DDOST: variants seen among roughly 807,000 people sequenced by gnomAD.
The protein encoded by DDOST is dolichyl-diphosphooligosaccharide--protein glycosyltransferase non-catalytic subunit.
In DDOST, 25 loss-of-function variants were observed where a neutral mutation model predicts 47.6. The ratio of observed to expected loss-of-function variants is 0.53; its 90% confidence interval spans 0.38 to 0.73. The LOEUF is 0.73. DDOST is among the 30% of genes least tolerant of loss of function. The probability of loss-of-function intolerance (pLI) is 0.00; values close to 1 mark genes in which losing one functional copy is unlikely to be tolerated. For missense variants in DDOST, 526 were observed against 573.9 expected, an observed-to-expected ratio of 0.92 and a Z score of 0.85; for synonymous variants, 275 against 236.0, an observed-to-expected ratio of 1.17 and a Z score of -1.51.
intron 2 of DDOST, among the ~76,000 whole-genome samples, chr1:20,657,722 A>C (rs2053390514): frequency 6.6e-6 from 1 of 152,220 alleles, no homozygotes; most frequent in African/African-American, 2.4e-5. Context: ...TCTTCAGCAG[A>C]AAACTAAAAG....
intron 6 of DDOST, 97 bp from the exon 7 acceptor site, chr1:20,654,468 C>T: frequency 6.9e-7 from 1 of 1,453,046 alleles, no homozygotes; most frequent in Non-Finnish European, 9.4e-7. Context: ...ACCAAAACGA[C>T]CCTGGCCCTA....
At chr1:20,657,507 G>A (rs541268463) in intron 2 of DDOST, among the ~76,000 whole-genome samples, 8 of 152,266 alleles carry the variant, frequency 5.3e-5, no homozygotes, top group South Asian at 2.1e-4. Context: ...AGGCCTCCAC[G>A]CCTTCTGATG....
chr1:20,654,816 C>T (rs2053349966), intron 5 of DDOST, 109 bp from the exon 6 acceptor site: 1 of 723,684 alleles, frequency 1.4e-6, no homozygotes, highest in Admixed American at 2.2e-5. Flanking sequence ...TTCTTAATTG[C>T]CAACCACTTA....
chr1:20,655,424 C>T lies in DDOST; in HGVS notation c.551+16G>A. On this transcript the variant is annotated intron_variant, in intron 5 of 10. Transcript: ENST00000602624. Reference sequence around the variant, plus strand: ...CCCCCAGGTTTCTGCTGTCCTCTCCCTGCTCACTCACTCACCCAACACCTC... The same window carrying T: ...CCCCCAGGTTTCTGCTGTCCTCTCCTTGCTCACTCACTCACCCAACACCTC... 6.3e-7 allele frequency: 1 copy of T among 1,599,936 alleles called. No individual in the cohort carries two copies. The highest frequency in any genetic ancestry group is 8.6e-7 in the Non-Finnish European group (1 of 1,169,026).
At chr1:20,654,796 G>T in intron 5 of DDOST, 89 bp from the exon 6 acceptor site, 2 of 840,740 alleles carry the variant, frequency 2.4e-6, no homozygotes, top group Non-Finnish European at 3.9e-6. Flanking sequence ...TCCCAGGAAT[G>T]AATCCTTTTT....
At chr1:20,655,156 G>A (rs1039460135) in intron 5 of DDOST, among the ~76,000 whole-genome samples, 4 of 143,448 alleles carry the variant, frequency 2.8e-5, no homozygotes, top group African/African-American at 5.2e-5. Flanking sequence ...CACTGCGCTC[G>A]GCCAACTTTT....
Position 20,653,517 on chromosome 1 carries a change from C to A in DDOST, c.942+110G>T, listed in dbSNP as rs570935332. 7.6e-6 allele frequency: 9 copies of A among 1,182,446 alleles called. No homozygotes were observed. The African/African-American group carries it at 9.2e-5, about 12-fold the overall frequency. 73.2% of individuals were successfully genotyped at this position (1,182,446 alleles called of 1,614,324 possible). ...TAGGTGTAGGGATTAACTTATTCAT[C>A]TTTATTTATGCCCTTTAGGCCAGCA... On this transcript the variant is annotated intron_variant, in intron 8 of 10. Coordinates refer to ENST00000602624, the MANE Select transcript of DDOST (RefSeq NM_005216.5).
Position 20,652,467 on chromosome 1 carries a change from T to C in DDOST, c.1232A>G (p.Tyr411Cys). 2 of 1,613,918 alleles carry C rather than the reference T, an allele frequency of 1.2e-6. No individual in the cohort carries two copies. The highest frequency in any genetic ancestry group is 1.7e-6 in the Non-Finnish European group (2 of 1,179,960). The change falls in exon 11 of 11, where the codon TAC (tyrosine) becomes TGC (cysteine). Residue 411 changes from tyrosine (Y) to cysteine (C), a missense_variant. Tyr to Cys is a radical substitution (Grantham distance 194). Transcript: ENST00000602624. The part of the protein sequence containing the change: ...YERFIPSAYP[Y>C]YASAFSMMLG... ...CATCATGGAGAAGGCGCTGGCGTAG[T>C]AGGGGTAGGCCGAGGGGATGAAGCG...
chr1:20,657,249 G>C (rs2053384319), intron 2 of DDOST, among the ~76,000 whole-genome samples: 1 of 152,222 alleles, frequency 6.6e-6, no homozygotes, highest in Non-Finnish European at 1.5e-5. Context: ...CGGGTGAAGT[G>C]AGGGCCCAGG....
chr1:20,653,889 G>A (rs2154534224), intron 7 of DDOST, 115 bp from the exon 8 acceptor site: 3 of 1,260,942 alleles, frequency 2.4e-6, no homozygotes, highest in South Asian at 3.0e-5. Context: ...TCTGCCTGTA[G>A]GCCTTGGGCA....
At chr1:20,652,589 A>G (rs1557570431) in intron 10 of DDOST, 32 bp downstream of exon 10, 1 of 1,614,112 alleles carries the variant, frequency 6.2e-7, no homozygotes, top group South Asian at 1.1e-5. Context: ...GGCACATGCT[A>G]GCTGAAAACA....
At chr1:20,655,584 C>T in intron 4 of DDOST, 50 bp from the exon 5 acceptor site, 1 of 1,589,544 alleles carries the variant, frequency 6.3e-7, no homozygotes, top group Non-Finnish European at 8.6e-7. Flanking sequence ...GTTCCCCAAG[C>T]CAGGGAGAAC....
At chr1:20,661,106 G>T in intron 1 of DDOST, 91 bp downstream of exon 1, 1 of 1,519,522 alleles carries the variant, frequency 6.6e-7, no homozygotes, top group Non-Finnish European at 9.0e-7. Flanking sequence ...GCCTGCTCCA[G>T]GAAAGGGAGA....
chr1:20,657,239 C>T (rs1207014823), intron 2 of DDOST, among the ~76,000 whole-genome samples: 1 of 152,150 alleles, frequency 6.6e-6, no homozygotes, highest in Admixed American at 6.5e-5. Context: ...GAGGTAAGGC[C>T]GGGTGAAGTG....
In DDOST at chr1:20,651,906, A is replaced by G. The variant is rs747959217; in HGVS notation, c.*473T>C. ...AATGGCGTGATCTCAGCTCACTGCA[A>G]GCTCTGCCTCTTGGATTCATGCCTT... On this transcript the variant is annotated 3_prime_UTR_variant, in exon 11 of 11. Transcript: ENST00000602624. 6.5e-6 allele frequency: 1 copy of G among 154,216 alleles called. No individual in the cohort carries two copies. The highest frequency in any genetic ancestry group is 1.4e-5 in the Non-Finnish European group (1 of 69,668). 9.6% of individuals were successfully genotyped at this position (154,216 alleles called of 1,614,324 possible). A position where few individuals can be genotyped will look rare whatever the true frequency, so the allele number is the denominator to read the frequency against.
chr1:20,656,958 A>G (rs2053380995), intron 2 of DDOST, among the ~76,000 whole-genome samples: 2 of 152,256 alleles, frequency 1.3e-5, no homozygotes, highest in Admixed American at 1.3e-4. Context: ...GACAGTGCTC[A>G]GTAATCCATT....
In DDOST at chr1:20,658,720, G is replaced by A. The variant is rs7515890; in HGVS notation, c.265+2161C>T. Among the ~76,000 whole-genome samples the A allele has an allele frequency of 3.6e-3, 541 of 152,248 alleles. 4 individuals are homozygous for A. Among genetic ancestry groups the A allele is most frequent in the African/African-American group, 0.012 (518 of 41,554 alleles). On this transcript the variant is annotated intron_variant, in intron 2 of 10. Coordinates refer to ENST00000602624, the MANE Select transcript of DDOST (RefSeq NM_005216.5). ...GCAGCAGCATCTGGCTAGAACTTAC[G>A]GGTGTTGTTTTTATTCTATTTATAG... is the stretch of plus-strand genomic sequence containing the variant.
chr1:20,660,936 T>C lies in DDOST; in HGVS notation c.210A>G (p.Ile70Met), dbSNP rs201557697. 1 of 1,613,860 alleles carries C rather than the reference T, an allele frequency of 6.2e-7. No individual in the cohort carries two copies. The highest frequency in any genetic ancestry group is 8.5e-7 in the Non-Finnish European group (1 of 1,179,830). Residue 70 changes from isoleucine to methionine, a missense_variant, in exon 2 of 11, where the codon ATA becomes ATG. Coordinates refer to ENST00000602624, the MANE Select transcript of DDOST (RefSeq NM_005216.5). ...TGTCATAGAGGAATTCCCCATACTT[T>C]ATGAGAGACAGGCTGGGGTCATCAG... ...KTADDPSLSL[I>M]KYGEFLYDNL... is the part of the protein sequence containing the mutation.
rs530107895 is a variant in DDOST at position 20,660,722 on chromosome 1, G to A, written c.265+159C>T. On this transcript the variant is annotated intron_variant, in intron 2 of 10. Transcript: ENST00000602624. ...TTTTAGAAAGATGTACCCTCCTAGG[G>A]TCAGGTCAGAAATGAGCATTTTCCT... 3.2e-5 allele frequency: 19 copies of A among 591,410 alleles called. No individual in the cohort carries two copies. In the East Asian group the frequency reaches 4.0e-4, roughly 12 times the overall value. 36.6% of individuals were successfully genotyped at this position (591,410 alleles called of 1,614,324 possible).
Sources: gnomAD v4.1 joint callset for allele counts (sites outside exome capture counted in the v4.1 genomes callset) on GRCh38, gnomAD v4.1.1 for gene constraint, MANE v1.5 for transcripts, NCBI Gene and HGNC (gene_info 2026-07-23, HGNC 2026-07-21) for gene names.